The following PI4KA variants were observed in gnomAD, a reference collection of about 807,000 sequenced individuals.
PI4KA encodes PI4-kinase alpha.
PI4KA carries 122 observed loss-of-function variants against 271.4 expected under a neutral mutation model. The ratio of observed to expected loss-of-function variants is 0.45; its 90% CI spans 0.39 to 0.52. PI4KA has a LOEUF of 0.52. PI4KA is among the 20% of genes least tolerant of loss of function. The probability of loss-of-function intolerance (pLI) is 0.00; values close to 1 mark genes in which losing one functional copy is unlikely to be tolerated. For missense variants in PI4KA, 1,969 were observed against 2,769.1 expected, an observed-to-expected ratio of 0.71 and a Z score of 6.48; for synonymous variants, 1,041 against 1,078.8, an observed-to-expected ratio of 0.96 and a Z score of 0.69.
At chr22:20,800,212 T>C (rs1251368902) in intron 14 of PI4KA, among the ~76,000 whole-genome samples, 7 of 152,230 alleles carry the variant, frequency 4.6e-5, no homozygotes, top group Non-Finnish European at 1.0e-4. Flanking sequence ...TCTTGTAAGA[T>C]GTCCTAGCTC....
At chr22:20,854,092 C>G (rs1320986052) in intron 1 of PI4KA, among the ~76,000 whole-genome samples, 1 of 152,048 alleles carries the variant, frequency 6.6e-6, no homozygotes, top group Non-Finnish European at 1.5e-5. Context: ...TACCAAGGAG[C>G]AGCAGGAGCT....
At chr22:20,824,133 A>G (rs997754529) in intron 4 of PI4KA, among the ~76,000 whole-genome samples, 193 bp downstream of exon 4, 1 of 152,072 alleles carries the variant, frequency 6.6e-6, no homozygotes, top group African/African-American at 2.4e-5. Flanking sequence ...GAAAAGTTTA[A>G]TAAGATAAGA....
intron 50 of PI4KA, 180 bp downstream of exon 50, chr22:20,712,306 C>G: frequency 2.1e-6 from 2 of 933,648 alleles, no homozygotes; most frequent in Non-Finnish European, 2.6e-6. Flanking sequence ...CTGCCCGCCT[C>G]GGCCTCCCAA....
chr22:20,767,354 G>C (rs896667933), intron 19 of PI4KA, among the ~76,000 whole-genome samples: 1 of 152,028 alleles, frequency 6.6e-6, no homozygotes, highest in African/African-American at 2.4e-5. Flanking sequence ...TGAGGCAGGA[G>C]AATGGCGTGA....
At chr22:20,794,358 G>A (rs1019820820) in intron 18 of PI4KA, among the ~76,000 whole-genome samples, 10 of 152,154 alleles carry the variant, frequency 6.6e-5, no homozygotes, top group East Asian at 1.9e-4. Context: ...GCTTTCTCAG[G>A]TGCTCAGCAC....
At position 20,714,614 on chromosome 22, in the gene PI4KA, G is replaced by A; in HGVS notation, c.5390+14C>T. ...ACGCGTGGAAGTGGGGGATGGGTAG[G>A]GTGAGGCGCCCACCTCTGCATCGGG... On this transcript the variant is annotated intron_variant, in intron 46 of 54. Transcript: ENST00000255882. The A allele has an allele frequency of 6.2e-7, 1 of 1,613,994 alleles. No individual in the cohort carries two copies. The highest frequency in any genetic ancestry group is 8.5e-7 in the Non-Finnish European group (1 of 1,179,854).
chr22:20,836,412 TAA>T (rs967685256), intron 2 of PI4KA, among the ~76,000 whole-genome samples: 2 of 152,248 alleles, frequency 1.3e-5, no homozygotes, highest in Non-Finnish European at 2.9e-5. Flanking sequence ...AGGAACTGGC[TAA>T]GACATCTGTC....
At position 20,747,585 on chromosome 22, in the gene PI4KA, C is replaced by A. The variant is rs755793416; in HGVS notation, c.3361G>T (p.Gly1121Trp). The A allele has an allele frequency of 1.2e-6, 2 of 1,613,988 alleles. No homozygotes were observed. The highest frequency in any genetic ancestry group is 3.3e-5 in the Admixed American group (2 of 60,008). Residue 1121 changes from glycine (G) to tryptophan (W), a missense_variant and splice_region_variant, in exon 29 of 55, where the codon GGG becomes TGG. By Grantham distance (184) the Gly-to-Trp change is radical. Transcript: ENST00000255882. ...AGYNKQNTTL[G>W]ATQLSERPAC... ...CTCTTCAGAAGGCTCGCACATACCC[C>A]AAGAGTTGTGTTCTGCTTGTTGTAG...
intron 22 of PI4KA, among the ~76,000 whole-genome samples, chr22:20,762,306 A>C (rs5760437): frequency 0.069 from 10,576 of 152,250 alleles, 355 homozygotes; most frequent in East Asian, 0.08. Context: ...TCGAGTGTGC[A>C]CGTGCACACA....
intron 10 of PI4KA, among the ~76,000 whole-genome samples, chr22:20,806,348 ATTG>A (rs1437192573): frequency 6.6e-6 from 1 of 152,158 alleles, no homozygotes; most frequent in African/African-American, 2.4e-5. Context: ...AAAATGCTAA[ATTG>A]TTGTGTGTGC....
At chr22:20,829,183 G>T (rs1601585029) in intron 3 of PI4KA, among the ~76,000 whole-genome samples, 1 of 152,206 alleles carries the variant, frequency 6.6e-6, no homozygotes, top group East Asian at 1.9e-4. Flanking sequence ...TAGAATTAGG[G>T]AGGAGTCCCT....
chr22:20,743,675 A>C (rs1396835829), intron 30 of PI4KA, among the ~76,000 whole-genome samples: 1 of 152,168 alleles, frequency 6.6e-6, no homozygotes, highest in African/African-American at 2.4e-5. Flanking sequence ...AGAAGAACAT[A>C]CAAGTGACAG....
intron 22 of PI4KA, among the ~76,000 whole-genome samples, chr22:20,763,026 G>GGGGGGT (rs1932153685): frequency 1.0e-4 from 7 of 68,508 alleles, no homozygotes; most frequent in African/African-American, 1.8e-4. Flanking sequence ...TTGGGGGGGG[G>GGGGGGT]GGGGGTTAGA....
chr22:20,784,909 A>G (rs1934091542), intron 19 of PI4KA, among the ~76,000 whole-genome samples: 1 of 152,160 alleles, frequency 6.6e-6, no homozygotes. Flanking sequence ...ATACAAACAT[A>G]TGCAACCAAA....
chr22:20,737,911 G>A (rs529954743), intron 32 of PI4KA, among the ~76,000 whole-genome samples: 8 of 151,942 alleles, frequency 5.3e-5, no homozygotes, highest in African/African-American at 9.7e-5. Flanking sequence ...GATTACAGGC[G>A]TGAGCCACTG....
chr22:20,816,230 C>T (rs1284365433), intron 7 of PI4KA, among the ~76,000 whole-genome samples: 2 of 152,102 alleles, frequency 1.3e-5, no homozygotes, highest in African/African-American at 2.4e-5. Flanking sequence ...CTGTGCCCAA[C>T]CTGAAAGTTT....
intron 1 of PI4KA, among the ~76,000 whole-genome samples, chr22:20,846,177 T>C (rs952622099): frequency 7.3e-6 from 1 of 137,256 alleles, no homozygotes; most frequent in African/African-American, 2.8e-5. Flanking sequence ...GGCAGGAGAA[T>C]GGCATGAACC....
intron 19 of PI4KA, among the ~76,000 whole-genome samples, chr22:20,780,775 C>CAAAAAAAAAAAAAAA (rs538327544): frequency 0.13 from 8,424 of 65,712 alleles, 940 homozygotes; most frequent in Non-Finnish European, 0.15. Flanking sequence ...GACTCCATCT[C>CAAAAAAAAAAAAAAA]AAAAAAAAAA....
In PI4KA at chr22:20,858,705, C is replaced by T. The variant is rs1292245471; in HGVS notation, c.21G>A (p.Arg7=). ...CGCCTCCGCCTCCGCCTCCGCCTCC[C>T]CGGGCCGGGGCCGCCGCCATCACCT... is the stretch of plus-strand genomic sequence containing the variant. MAAAPA[R]GGGGGGGGGG... is the part of the protein sequence containing the mutation. The change falls in exon 1 of 55, where the codon CGG becomes CGA. Residue 7 remains arginine (R), a synonymous_variant. Coordinates refer to ENST00000255882, the MANE Select transcript of PI4KA (RefSeq NM_058004.4). 7 of 1,451,868 alleles carry T rather than the reference C, an allele frequency of 4.8e-6. No individual in the cohort carries two copies. Among genetic ancestry groups the T allele is most frequent in the East Asian group, 3.0e-5 (1 of 33,438 alleles). 89.9% of individuals were successfully genotyped at this position (1,451,868 alleles called of 1,614,324 possible). A position where few individuals can be genotyped will look rare whatever the true frequency, so the allele number is the denominator to read the frequency against.
Sources: gnomAD v4.1 joint callset for allele counts (sites outside exome capture counted in the v4.1 genomes callset) on GRCh38, gnomAD v4.1.1 for gene constraint, MANE v1.5 for transcripts, NCBI Gene and HGNC (gene_info 2026-07-23, HGNC 2026-07-21) for gene names.